HOXC8: variants seen among roughly 807,000 people sequenced by gnomAD.
HOXC8 encodes homeobox protein Hox-C8.
HOXC8 carries 14 observed loss-of-function variants against 25.8 expected under a neutral mutation model. The observed-to-expected ratio is 0.54, with a 90% CI of 0.36 to 0.85. The LOEUF is 0.85. Ranked by LOEUF, HOXC8 falls within the 40% of genes least tolerant of loss-of-function variation. The probability of loss-of-function intolerance (pLI) is 0.01; values close to 1 mark genes in which losing one functional copy is unlikely to be tolerated. For missense variants in HOXC8, 316 were observed against 308.8 expected, an observed-to-expected ratio of 1.02 and a Z score of -0.17; for synonymous variants, 144 against 124.6, an observed-to-expected ratio of 1.16 and a Z score of -1.04.
Position 54,009,224 on chromosome 12 carries a change from G to A in HOXC8, c.-61G>A. 2.2e-6 allele frequency: 3 copies of A among 1,380,962 alleles called. No individual in the cohort carries two copies. The highest frequency in any genetic ancestry group is 1.4e-5 in the African/African-American group (1 of 69,086). The allele number at this position is 1,380,962 out of a possible 1,614,324, so 85.5% of individuals were successfully genotyped here. A position where few individuals can be genotyped will look rare whatever the true frequency, so the allele number is the denominator to read the frequency against. ...TCCCGGGGGGAGGGGAGTTTCGGGG[G>A]TACTGGGCGGGGTACTCGTGAGCCA... On this transcript the variant is annotated 5_prime_UTR_variant, in exon 1 of 2. Coordinates refer to ENST00000040584, the MANE Select transcript of HOXC8 (RefSeq NM_022658.4). This position sits in a 1 kb window ranked among gnomAD's most constrained non-coding sequence, Gnocchi z 5.0.
At position 54,011,851 on chromosome 12, in the gene HOXC8, T is replaced by A. The variant is rs1940002007; in HGVS notation, c.*470T>A. On this transcript the variant is annotated 3_prime_UTR_variant, in exon 2 of 2. Transcript: ENST00000040584. The stretch of plus-strand genomic sequence containing the variant: ...AGGCTAGTGTACTAGATGTACTTTT[T>A]CTAAAAAGGAAAGGACAGAAAAAAA... The A allele has an allele frequency of 6.6e-6, 1 of 152,020 alleles. No individual in the cohort carries two copies. The highest frequency in any genetic ancestry group is 6.6e-5 in the Admixed American group (1 of 15,254). The allele number at this position is 152,020 out of a possible 1,614,324, so 9.4% of individuals were successfully genotyped here. A position where few individuals can be genotyped will look rare whatever the true frequency, so the allele number is the denominator to read the frequency against.
intron 1 of HOXC8, 74 bp from the exon 2 acceptor site, chr12:54,011,015 A>T: frequency 9.4e-7 from 1 of 1,064,402 alleles, no homozygotes; most frequent in Non-Finnish European, 1.4e-6. Flanking sequence ...AGGGGAGTTT[A>T]GAGTAGGAAG....
In HOXC8 at chr12:54,011,101, G is replaced by T. The variant is rs757395353; in HGVS notation, c.449G>T (p.Arg150Leu). ...TTCTTCTGTCCAGCTCCGGGGAGGC[G>T]CAGTGGACGGCAAACTTACAGCCGG... ...PWMRPHAPGR[R>L]SGRQTYSRYQ... The change falls in exon 2 of 2, where the codon CGC becomes CTC. Residue 150 changes from arginine (R) to leucine (L), a missense_variant. Transcript: ENST00000040584. 3 of 1,613,674 alleles carry T rather than the reference G, an allele frequency of 1.9e-6. No individual in the cohort carries two copies. Among genetic ancestry groups the T allele is most frequent in the Middle Eastern group, 1.7e-4 (1 of 6,058 alleles).
rs1475590468 is a variant in HOXC8 at position 54,009,995 on chromosome 12, CTGTCTGTCTGTCTCTCTCTGACT to C, written c.436+276_436+298del. 6.6e-6 allele frequency among the ~76,000 whole-genome samples: 1 copy of C among 152,184 alleles called. No homozygotes were observed. The highest frequency in any genetic ancestry group is 1.5e-5 in the Non-Finnish European group (1 of 68,026). ...GGGTTAAAAATCGTTTTCTCCATCT[CTGTCTGTCTGTCTCTCTCTGACT>C]CTCCCACTCCCCATCTCTAAAGTCA... On this transcript the variant is annotated intron_variant, in intron 1 of 1. Transcript: ENST00000040584. The surrounding 1 kb of genome is among the most constrained non-coding windows in gnomAD (Gnocchi z 5.0).
In HOXC8 at chr12:54,009,203, G is replaced by C; in HGVS notation, c.-82G>C. The C allele has an allele frequency of 2.4e-6, 3 of 1,233,278 alleles. No individual in the cohort carries two copies. The highest frequency in any genetic ancestry group is 2.2e-5 in the Admixed American group (1 of 44,944). 76.4% of individuals were successfully genotyped at this position (1,233,278 alleles called of 1,614,324 possible). The stretch of plus-strand genomic sequence containing the variant: ...GCCAGCTGGCCTGGGGTTCGGTCCC[G>C]GGGGGAGGGGAGTTTCGGGGGTACT... On this transcript the variant is annotated 5_prime_UTR_variant, in exon 1 of 2. Transcript: ENST00000040584. This position sits in a 1 kb window ranked among gnomAD's most constrained non-coding sequence, Gnocchi z 5.0.
rs1940009269 is a variant in HOXC8 at position 54,012,109 on chromosome 12, T to A, written c.*728T>A. 6.6e-6 allele frequency: 1 copy of A among 152,336 alleles called. No individual in the cohort carries two copies. The highest frequency in any genetic ancestry group is 2.4e-5 in the African/African-American group (1 of 41,326). 9.4% of individuals were successfully genotyped at this position (152,336 alleles called of 1,614,324 possible). On this transcript the variant is annotated 3_prime_UTR_variant, in exon 2 of 2. Coordinates refer to ENST00000040584, the MANE Select transcript of HOXC8 (RefSeq NM_022658.4). ...AAAATCCTACCTAACCATCCCATGG[T>A]CACTCGGGCCCATGCCTTCCTCTCC...
At position 54,011,609 on chromosome 12, in the gene HOXC8, A is replaced by G; in HGVS notation, c.*228A>G. 2 of 411,976 alleles carry G rather than the reference A, an allele frequency of 4.9e-6. No individual in the cohort carries two copies. Among genetic ancestry groups the G allele is most frequent in the Non-Finnish European group, 8.3e-6 (2 of 240,464 alleles). The allele number at this position is 411,976 out of a possible 1,614,324, so 25.5% of individuals were successfully genotyped here. A position where few individuals can be genotyped will look rare whatever the true frequency, so the allele number is the denominator to read the frequency against. ...GAGGGGGGAGACGGAGAAACAGTGAAAAGTTCGGACTCTCTGTCTCACTCC... is the reference window on the plus strand; with the variant it reads ...GAGGGGGGAGACGGAGAAACAGTGAGAAGTTCGGACTCTCTGTCTCACTCC... On this transcript the variant is annotated 3_prime_UTR_variant, in exon 2 of 2. Transcript: ENST00000040584.
rs1435823796 is a variant in HOXC8, at chr12:54,011,124, C to T, written c.472C>T (p.Arg158Trp). Residue 158 changes from arginine (R) to tryptophan (W), a missense_variant, in exon 2 of 2, where the codon CGG (arginine) becomes TGG (tryptophan). Coordinates refer to ENST00000040584, the MANE Select transcript of HOXC8 (RefSeq NM_022658.4). ...GCGCAGTGGACGGCAAACTTACAGC[C>T]GGTATCAGACCTTGGAACTAGAAAA... ...GRRSGRQTYS[R>W]YQTLELEKEF... 3 of 1,613,970 alleles carry T rather than the reference C, an allele frequency of 1.9e-6. No individual in the cohort carries two copies. Among genetic ancestry groups the T allele is most frequent in the Non-Finnish European group, 2.5e-6 (3 of 1,179,998 alleles).
chr12:54,012,468 A>G lies in HOXC8; in HGVS notation c.*1087A>G, dbSNP rs896924736. Reference sequence around the variant, plus strand: ...TTGTTGCTGCTTATTTCACTAAGAAAACCCAACAACTGAGACTGCCTAGCC... The same window carrying G: ...TTGTTGCTGCTTATTTCACTAAGAAGACCCAACAACTGAGACTGCCTAGCC... On this transcript the variant is annotated 3_prime_UTR_variant, in exon 2 of 2. Coordinates refer to ENST00000040584, the MANE Select transcript of HOXC8 (RefSeq NM_022658.4). 2 of 152,510 alleles carry G rather than the reference A, an allele frequency of 1.3e-5. No homozygotes were observed. The highest frequency in any genetic ancestry group is 4.8e-5 in the African/African-American group (2 of 41,414). 9.4% of individuals were successfully genotyped at this position (152,510 alleles called of 1,614,324 possible). A position where few individuals can be genotyped will look rare whatever the true frequency, so the allele number is the denominator to read the frequency against.
At position 54,009,714 on chromosome 12, in the gene HOXC8, C is replaced by A; in HGVS notation, c.430C>A (p.Pro144Thr). 1 of 1,613,030 alleles carries A rather than the reference C, an allele frequency of 6.2e-7. No individual in the cohort carries two copies. Among genetic ancestry groups the A allele is most frequent in the East Asian group, 2.2e-5 (1 of 44,864 alleles). The change falls in exon 1 of 2, where the codon CCC (proline) becomes ACC (threonine). Residue 144 changes from proline (P) to threonine (T), a missense_variant. Transcript: ENST00000040584. The surrounding 1 kb of genome is among the most constrained non-coding windows in gnomAD (Gnocchi z 5.0). ...CAGCCTCATGTTTCCATGGATGAGACCCCACGGTGAGAAGCCTTTTCTCTT... is the reference window on the plus strand; with the variant it reads ...CAGCCTCATGTTTCCATGGATGAGAACCCACGGTGAGAAGCCTTTTCTCTT... ...SPSLMFPWMR[P>T]HAPGRRSGRQ...
Position 54,011,396 on chromosome 12 carries a change from C to CT in HOXC8, c.*15_*16insT. The CT allele has an allele frequency of 6.9e-6, 2 of 288,836 alleles. No individual in the cohort carries two copies. The highest frequency in any genetic ancestry group is 1.5e-4 in the South Asian group (2 of 13,458). The allele number at this position is 288,836 out of a possible 1,614,324, so 17.9% of individuals were successfully genotyped here. Reference sequence around the variant, plus strand: ...ACAAGGACTAAGCAAAAAAGAAAGACCCCCCCCCCCTTAGCAACTCCCTTG... The same window carrying CT: ...ACAAGGACTAAGCAAAAAAGAAAGACTCCCCCCCCCCTTAGCAACTCCCTTG... On this transcript the variant is annotated 3_prime_UTR_variant, in exon 2 of 2. Coordinates refer to ENST00000040584, the MANE Select transcript of HOXC8 (RefSeq NM_022658.4).
At chr12:54,010,319 G>A (rs1939957588) in intron 1 of HOXC8, among the ~76,000 whole-genome samples, 1 of 152,164 alleles carries the variant, frequency 6.6e-6, no homozygotes, top group Non-Finnish European at 1.5e-5. Flanking sequence ...CCCCCAGTTG[G>A]GAGAAGACGG....
chr12:54,010,232 C>A (rs1047402605), intron 1 of HOXC8, among the ~76,000 whole-genome samples: 2 of 152,202 alleles, frequency 1.3e-5, no homozygotes, highest in Non-Finnish European at 2.9e-5. Context: ...AGGACAGGCT[C>A]TCTGGCTCTC....
rs896046156 is a variant in HOXC8, at chr12:54,009,197, G to T, written c.-88G>T. 8.5e-7 allele frequency: 1 copy of T among 1,179,150 alleles called. No individual in the cohort carries two copies. The highest frequency in any genetic ancestry group is 2.3e-5 in the Admixed American group (1 of 44,154). The allele number at this position is 1,179,150 out of a possible 1,614,324, so 73.0% of individuals were successfully genotyped here. ...CGGGGAGCCAGCTGGCCTGGGGTTC[G>T]GTCCCGGGGGGAGGGGAGTTTCGGG... is the stretch of plus-strand genomic sequence containing the variant. On this transcript the variant is annotated 5_prime_UTR_variant, in exon 1 of 2. Transcript: ENST00000040584. This position sits in a 1 kb window ranked among gnomAD's most constrained non-coding sequence, Gnocchi z 5.0.
Position 54,009,164 on chromosome 12 carries a change from C to G in HOXC8, c.-121C>G. ...CCCAGCCCCCAGCCCACCAGCCCAG[C>G]CCAGTCCCGGGGAGCCAGCTGGCCT... On this transcript the variant is annotated 5_prime_UTR_variant, in exon 1 of 2. Coordinates refer to ENST00000040584, the MANE Select transcript of HOXC8 (RefSeq NM_022658.4). This position sits in a 1 kb window ranked among gnomAD's most constrained non-coding sequence, Gnocchi z 5.0. The G allele has an allele frequency of 1.2e-6, 1 of 860,814 alleles. No individual in the cohort carries two copies. The highest frequency in any genetic ancestry group is 1.9e-6 in the Non-Finnish European group (1 of 539,584). 53.3% of individuals were successfully genotyped at this position (860,814 alleles called of 1,614,324 possible).
intron 1 of HOXC8, 40 bp from the exon 2 acceptor site, chr12:54,011,049 C>T: frequency 1.4e-6 from 2 of 1,463,314 alleles, no homozygotes; most frequent in South Asian, 2.3e-5. Flanking sequence ...AACCAAGCCC[C>T]CATCCAAACG....
In HOXC8 at chr12:54,009,553, G is replaced by A. The variant is rs746644806; in HGVS notation, c.269G>A (p.Gly90Asp). 3 of 1,614,212 alleles carry A rather than the reference G, an allele frequency of 1.9e-6. No individual in the cohort carries two copies. Among genetic ancestry groups the A allele is most frequent in the Admixed American group, 3.3e-5 (2 of 60,024 alleles). The change falls in exon 1 of 2, where the codon GGC (glycine) becomes GAC (aspartate). Residue 90 changes from glycine to aspartate, a missense_variant. By Grantham distance (94) the Gly-to-Asp change is moderately conservative. Transcript: ENST00000040584. This position sits in a 1 kb window ranked among gnomAD's most constrained non-coding sequence, Gnocchi z 5.0. ...SCHGDASKFY[G>D]YEALPRQSLY... ...CACGGAGACGCCTCCAAATTCTATG[G>A]CTACGAGGCGCTCCCCAGACAGTCC... is the stretch of plus-strand genomic sequence containing the variant.
In HOXC8 at chr12:54,011,981, C is replaced by G. The variant is rs556188539; in HGVS notation, c.*600C>G. On this transcript the variant is annotated 3_prime_UTR_variant, in exon 2 of 2. Transcript: ENST00000040584. ...CCCAGGGCTCCCTGCTTAGAAAAAC[C>G]CCCTTGACTTTCTCTAGGAACCTGA... 1 of 142,686 alleles carries G rather than the reference C, an allele frequency of 7.0e-6. No homozygotes were observed. The highest frequency in any genetic ancestry group is 2.5e-4 in the South Asian group (1 of 4,002). The allele number at this position is 142,686 out of a possible 1,614,324, so 8.8% of individuals were successfully genotyped here.
chr12:54,009,650 T>C lies in HOXC8; in HGVS notation c.366T>C (p.Ser122=). 1 of 1,614,190 alleles carries C rather than the reference T, an allele frequency of 6.2e-7. No individual in the cohort carries two copies. The highest frequency in any genetic ancestry group is 1.1e-5 in the South Asian group (1 of 91,080). The stretch of plus-strand genomic sequence containing the variant: ...GTAAATCCTCCGCCAACACTAACAG[T>C]AGCGAAGGACAAGGCCACTTAAATC... ...PDCKSSANTN[S]SEGQGHLNQN... Residue 122 remains serine (S), a synonymous_variant, in exon 1 of 2, where the codon AGT becomes AGC. Transcript: ENST00000040584. The surrounding 1 kb of genome is among the most constrained non-coding windows in gnomAD (Gnocchi z 5.0).
Sources: gnomAD v4.1 joint callset for allele counts (sites outside exome capture counted in the v4.1 genomes callset) on GRCh38, gnomAD v4.1.1 for gene constraint, Gnocchi (gnomAD v3.1) non-coding constraint, MANE v1.5 for transcripts, NCBI Gene and HGNC (gene_info 2026-07-23, HGNC 2026-07-21) for gene names.